NALCN: variants seen among roughly 807,000 people sequenced by gnomAD.
NALCN encodes the protein sodium leak channel NALCN.
In NALCN, 111 loss-of-function variants were observed where a neutral mutation model predicts 225.3. The ratio of observed to expected loss-of-function variants is 0.49; its 90% CI spans 0.42 to 0.58. The LOEUF (loss-of-function observed/expected upper bound fraction) is 0.58, where lower values mean the gene tolerates loss of function less well. NALCN is among the 20% of genes least tolerant of loss of function. NALCN has a pLI of 0.00. For synonymous variants in NALCN, 764 were observed against 769.0 expected (o/e 0.99, Z 0.11); for missense variants, 1,378 against 2,202.4 (o/e 0.63, Z 7.49).
intron 6 of NALCN, among the ~76,000 whole-genome samples, chr13:101,361,867 A>G (rs2046260919): frequency 6.6e-6 from 1 of 152,060 alleles, no homozygotes; most frequent in African/African-American, 2.4e-5. Flanking sequence ...TTTCTTTTAG[A>G]CCCCCATTCA....
intron 7 of NALCN, among the ~76,000 whole-genome samples, chr13:101,297,019 A>G (rs2043781200): frequency 6.6e-6 from 1 of 152,158 alleles, no homozygotes; most frequent in South Asian, 2.1e-4. Flanking sequence ...TGTTTTGATT[A>G]CCTTTAGGAT....
chr13:101,390,537 G>A (rs2047115268), intron 3 of NALCN, among the ~76,000 whole-genome samples: 1 of 152,054 alleles, frequency 6.6e-6, no homozygotes, highest in Non-Finnish European at 1.5e-5. Context: ...AATATCACAT[G>A]ATGAAACTAG....
chr13:101,304,987 C>A (rs1053467158), intron 7 of NALCN, among the ~76,000 whole-genome samples: 3 of 151,816 alleles, frequency 2.0e-5, no homozygotes, highest in Admixed American at 6.6e-5. Context: ...GATCTCCTGA[C>A]CTCGTGATCC....
At chr13:101,408,305 C>A (rs919283296) in intron 1 of NALCN, among the ~76,000 whole-genome samples, 24 of 145,374 alleles carry the variant, frequency 1.7e-4, no homozygotes, top group Admixed American at 1.1e-3. Context: ...CCCTCTCAAG[C>A]AAGCCTCTCC....
chr13:101,245,778 C>T (rs1216797366), intron 11 of NALCN, among the ~76,000 whole-genome samples: 2 of 152,124 alleles, frequency 1.3e-5, no homozygotes, highest in Non-Finnish European at 2.9e-5. Context: ...AGCAAAAGGA[C>T]CAGGGGCTAC....
intron 1 of NALCN, among the ~76,000 whole-genome samples, chr13:101,399,770 G>C: frequency 6.6e-6 from 1 of 152,180 alleles, no homozygotes; most frequent in South Asian, 2.1e-4. Context: ...AATTGTTCAT[G>C]AAATTACATT....
At chr13:101,083,594 AC>A (rs2033775630) in intron 31 of NALCN, 116 bp downstream of exon 31, 1 of 951,728 alleles carries the variant, frequency 1.1e-6, no homozygotes. Flanking sequence ...TTTCTGTATT[AC>A]CTTATGCACA....
intron 6 of NALCN, among the ~76,000 whole-genome samples, chr13:101,354,726 C>T (rs1489919847): frequency 1.3e-5 from 2 of 152,186 alleles, no homozygotes; most frequent in African/African-American, 2.4e-5. Flanking sequence ...TCACCTCTTA[C>T]ATACTTGGAG....
chr13:101,173,564 C>T (rs1285942493), intron 15 of NALCN, among the ~76,000 whole-genome samples: 1 of 152,106 alleles, frequency 6.6e-6, no homozygotes, highest in Non-Finnish European at 1.5e-5. Flanking sequence ...ACATAAAACA[C>T]TTGATACTGA....
Position 101,292,516 on chromosome 13 carries a change from T to C in NALCN, c.800-150A>G, listed in dbSNP as rs191667118. The C allele has an allele frequency of 6.5e-6, 5 of 772,306 alleles. No homozygotes were observed. In the African/African-American group the frequency reaches 8.8e-5, roughly 14 times the overall value. The allele number at this position is 772,306 out of a possible 1,614,324, so 47.8% of individuals were successfully genotyped here. On this transcript the variant is annotated intron_variant, in intron 7 of 43. Coordinates refer to ENST00000251127, the MANE Select transcript of NALCN (RefSeq NM_052867.4). This position sits in a 1 kb window ranked among gnomAD's most constrained non-coding sequence, Gnocchi z 4.3. ...GATTAGAATCACATGCAACACATTT[T>C]ACTGTTCTCTTAAAATTTTAATAAA...
chr13:101,277,735 C>T (rs1041290517), intron 10 of NALCN, among the ~76,000 whole-genome samples: 2 of 152,098 alleles, frequency 1.3e-5, no homozygotes, highest in African/African-American at 4.8e-5. Flanking sequence ...TTTATTTCCA[C>T]ACGATAGAGT....
intron 16 of NALCN, among the ~76,000 whole-genome samples, chr13:101,144,136 A>G (rs1594299244): frequency 1.3e-5 from 2 of 152,336 alleles, no homozygotes; most frequent in East Asian, 1.9e-4. Context: ...AGCTATAACT[A>G]GAAGAATTTC....
intron 13 of NALCN, among the ~76,000 whole-genome samples, chr13:101,221,039 T>G (rs756025607): frequency 1.2e-4 from 19 of 152,186 alleles, no homozygotes; most frequent in Non-Finnish European, 2.5e-4. Context: ...CAATCGGACT[T>G]GTAGGGACAG....
chr13:101,410,215 A>G (rs2139553806), intron 1 of NALCN, among the ~76,000 whole-genome samples: 1 of 152,360 alleles, frequency 6.6e-6, no homozygotes, highest in East Asian at 1.9e-4. Flanking sequence ...CTAAATCAGA[A>G]TCTTTAAGGG....
intron 32 of NALCN, 41 bp downstream of exon 32, chr13:101,083,051 T>C: frequency 1.3e-6 from 2 of 1,593,984 alleles, no homozygotes; most frequent in Non-Finnish European, 1.7e-6. Context: ...TAGCAGTGAA[T>C]ACAAAATTCA....
Position 101,065,447 on chromosome 13 carries a change from T to C in NALCN, c.4561A>G (p.Arg1521Gly). The change falls in exon 40 of 44, where the codon AGG (arginine) becomes GGG (glycine). Residue 1521 changes from arginine to glycine, a missense_variant. Arg to Gly is a moderately radical substitution (Grantham distance 125, BLOSUM62 -2). Around this residue, in one of 19 missense-constraint regions of NALCN, gnomAD observed 94 missense variants for 170.3 expected, o/e 0.55. Coordinates refer to ENST00000251127, the MANE Select transcript of NALCN (RefSeq NM_052867.4). ...LFKHMCYEMERLHNGGDVTFH... is the reference protein window; with the variant it reads ...LFKHMCYEMEGLHNGGDVTFH... Reference sequence around the variant, plus strand: ...GTGACGTCGCCGCCATTGTGGAGCCTCTCCATTTCGTAGCACATGTGCTTA... The same window carrying C: ...GTGACGTCGCCGCCATTGTGGAGCCCCTCCATTTCGTAGCACATGTGCTTA... 4 of 1,614,108 alleles carry C rather than the reference T, an allele frequency of 2.5e-6. No individual in the cohort carries two copies. The highest frequency in any genetic ancestry group is 3.4e-6 in the Non-Finnish European group (4 of 1,180,006).
chr13:101,117,036 C>G (rs189149360), intron 18 of NALCN: 316 of 486,422 alleles, frequency 6.5e-4, no homozygotes, highest in South Asian at 1.1e-3. Flanking sequence ...GCATTTTTAT[C>G]CTAGTGGATA....
Position 101,190,266 on chromosome 13 carries a change from G to T in NALCN, c.1764+1651C>A, listed in dbSNP as rs553693684. Among the ~76,000 whole-genome samples the T allele has an allele frequency of 1.1e-4, 17 of 152,258 alleles. No homozygotes were observed. The East Asian group carries it at 3.3e-3, about 29-fold the overall frequency. On this transcript the variant is annotated intron_variant, in intron 14 of 43. Coordinates refer to ENST00000251127, the MANE Select transcript of NALCN (RefSeq NM_052867.4). ...TAGATTGATATTCCCTGACATAGATGATTTCAATGAAATCTATCCTGCATT... is the reference window on the plus strand; with the variant it reads ...TAGATTGATATTCCCTGACATAGATTATTTCAATGAAATCTATCCTGCATT...
intron 10 of NALCN, among the ~76,000 whole-genome samples, chr13:101,279,760 T>G (rs967733540): frequency 1.3e-5 from 2 of 148,354 alleles, no homozygotes; most frequent in Non-Finnish European, 3.0e-5. Context: ...GAGCTTGCAG[T>G]GAGCCGAGAT....
Sources: allele counts gnomAD v4.1 joint callset (sites outside exome capture counted in the v4.1 genomes callset), GRCh38; gene constraint gnomAD v4.1.1; regional missense constraint gnomAD v4.1.1; non-coding constraint Gnocchi (gnomAD v3.1); transcripts MANE v1.5; gene names NCBI Gene and HGNC (gene_info 2026-07-23, HGNC 2026-07-21).